STK3: variants seen among roughly 807,000 people sequenced by gnomAD.
STK3 encodes serine/threonine-protein kinase 3.
A neutral mutation model predicts 58.0 loss-of-function variants in STK3; 41 were observed. That is an observed-to-expected ratio of 0.71 (90% confidence interval 0.55 to 0.92). The LOEUF (loss-of-function observed/expected upper bound fraction) is 0.92. STK3 is among the 40% of genes least tolerant of loss of function. The probability of loss-of-function intolerance (pLI) is 0.00; values close to 1 mark genes in which losing one functional copy is unlikely to be tolerated. For missense variants in STK3, 479 were observed against 602.7 expected (o/e 0.79, Z 2.15); for synonymous variants, 170 against 191.0 (o/e 0.89, Z 0.91).
chr8:98,882,500 C>T (rs572339394), downstream of STK3: 1 of 151,254 alleles, frequency 6.6e-6, no homozygotes, highest in East Asian at 1.9e-4. Context: ...ACTGCAACCC[C>T]TGCCTCCCAG....
At chr8:98,720,529 T>C (rs922292248) in intron 4 of STK3, among the ~76,000 whole-genome samples, 2 of 151,968 alleles carry the variant, frequency 1.3e-5, no homozygotes, top group Admixed American at 6.6e-5. Flanking sequence ...GGCAGGTGGA[T>C]CACAAGGTCA....
rs1817751886 is a variant in STK3 at position 98,382,879 on chromosome 8, G to A, written n.57-3672C>T. Among the ~76,000 whole-genome samples, 5 of 152,318 alleles carry A rather than the reference G, an allele frequency of 3.3e-5. No individual in the cohort carries two copies. The South Asian group carries it at 1.0e-3, about 32-fold the overall frequency. ...GGGGACCAGCCTTCCCAGGGCTTGG[G>A]CTCCGTCCTGCATGGCAGCGTTTCA... On this transcript the variant is annotated intron_variant and non_coding_transcript_variant, in intron 1 of 2. Coordinates refer to the STK3 transcript ENST00000518704.
intron 6 of STK3, among the ~76,000 whole-genome samples, chr8:98,700,471 A>G (rs1014181634): frequency 6.6e-6 from 1 of 152,170 alleles, no homozygotes; most frequent in Non-Finnish European, 1.5e-5. Context: ...TCACGCTGGG[A>G]GCTGTAGACC....
In STK3 at chr8:98,893,105, C is replaced by T. The variant is rs181620312; in HGVS notation, c.-78-9271G>A. Among the ~76,000 whole-genome samples, 49 of 152,076 alleles carry T rather than the reference C, an allele frequency of 3.2e-4. No homozygotes were observed. The East Asian group carries it at 3.7e-3, about 11-fold the overall frequency. ...TCCTTTCTAGATAAAAAGAAAATAGCGGCTGGGCACGGTGGCTCATGCCTG... is the reference window on the plus strand; with the variant it reads ...TCCTTTCTAGATAAAAAGAAAATAGTGGCTGGGCACGGTGGCTCATGCCTG... On this transcript the variant is annotated intron_variant, in intron 1 of 1. Coordinates refer to the STK3 transcript ENST00000519420.
intron 10 of STK3, among the ~76,000 whole-genome samples, chr8:98,463,468 T>C (rs1820175171): frequency 6.6e-6 from 1 of 152,044 alleles, no homozygotes; most frequent in East Asian, 1.9e-4. Flanking sequence ...AACTCAGTGA[T>C]ATGAGAAGTT....
chr8:98,467,031 T>A (rs1820523011), intron 10 of STK3, among the ~76,000 whole-genome samples: 1 of 152,156 alleles, frequency 6.6e-6, no homozygotes, highest in South Asian at 2.1e-4. Flanking sequence ...TATCAGTGTC[T>A]ATGCTAATAT....
intron 3 of STK3, among the ~76,000 whole-genome samples, chr8:98,414,674 G>C (rs552911730): frequency 1.3e-5 from 2 of 152,346 alleles, no homozygotes; most frequent in East Asian, 3.9e-4. Context: ...TGGCCACACA[G>C]GTAGATAAAT....
chr8:98,884,302 T>C (rs932399408), intron 1 of STK3, among the ~76,000 whole-genome samples: 3 of 152,228 alleles, frequency 2.0e-5, no homozygotes, highest in Admixed American at 6.5e-5. Context: ...TTTTTATTTA[T>C]TGCTCTGGGC....
chr8:98,714,205 T>A (rs1410092100), intron 4 of STK3, among the ~76,000 whole-genome samples: 4 of 152,202 alleles, frequency 2.6e-5, no homozygotes, highest in Non-Finnish European at 5.9e-5. Context: ...AAGCATTCCC[T>A]TTGAAAACTG....
rs541172518 is a variant in STK3, at chr8:98,566,486, C to T, written c.948+13178G>A. On this transcript the variant is annotated intron_variant, in intron 8 of 10. Transcript: ENST00000419617. ...GAATGCAGGATCCACACACAATAGA[C>T]CCAAGTATCAATACTTGATGTGAAA... Among the ~76,000 whole-genome samples the T allele has an allele frequency of 2.0e-5, 3 of 152,138 alleles. No homozygotes were observed. The South Asian group carries it at 6.2e-4, about 32-fold the overall frequency.
intron 4 of STK3, among the ~76,000 whole-genome samples, chr8:98,743,115 T>C (rs1340368392): frequency 6.6e-6 from 1 of 152,052 alleles, no homozygotes; most frequent in African/African-American, 2.4e-5. Context: ...TCCATGCTCA[T>C]GGGTAGGAAG....
chr8:98,813,846 A>G (rs1446554440), intron 1 of STK3, among the ~76,000 whole-genome samples: 1 of 152,230 alleles, frequency 6.6e-6, no homozygotes, highest in Non-Finnish European at 1.5e-5. Flanking sequence ...AAATTTGAAA[A>G]TGCTCTAACA....
chr8:98,603,246 T>A (rs1169407039), intron 6 of STK3: 1 of 151,928 alleles, frequency 6.6e-6, no homozygotes, highest in East Asian at 1.9e-4. Flanking sequence ...TTTTTTTTTT[T>A]ATTTTTGAGA....
chr8:98,880,909 T>C (rs1185000909), downstream of STK3: 7 of 152,220 alleles, frequency 4.6e-5, no homozygotes, highest in Non-Finnish European at 8.8e-5. Flanking sequence ...AGTGTGAAAG[T>C]CGGTTTGGCA....
chr8:98,667,620 G>A (rs968256378), intron 6 of STK3, among the ~76,000 whole-genome samples: 21 of 151,888 alleles, frequency 1.4e-4, no homozygotes, highest in African/African-American at 5.1e-4. Flanking sequence ...TGTATAAAAG[G>A]CAAGTCAAAA....
chr8:98,821,589 G>C (rs1006666504), intron 1 of STK3, among the ~76,000 whole-genome samples: 1 of 151,092 alleles, frequency 6.6e-6, no homozygotes, highest in Admixed American at 6.6e-5. Context: ...TGAGCACAGG[G>C]AGGTCAAGGC....
chr8:98,690,711 T>C (rs1308772993), intron 6 of STK3, among the ~76,000 whole-genome samples: 2 of 152,140 alleles, frequency 1.3e-5, no homozygotes, highest in African/African-American at 4.8e-5. Context: ...AAAATTTATA[T>C]GGAACCAAAA....
intron 4 of STK3, among the ~76,000 whole-genome samples, chr8:98,714,744 G>C (rs1826855479): frequency 6.6e-6 from 1 of 152,140 alleles, no homozygotes; most frequent in African/African-American, 2.4e-5. Flanking sequence ...TCCCCATCAA[G>C]CTACCAATGA....
chr8:98,748,897 T>C (rs1262373023), intron 4 of STK3, among the ~76,000 whole-genome samples: 1 of 151,900 alleles, frequency 6.6e-6, no homozygotes, highest in Non-Finnish European at 1.5e-5. Flanking sequence ...TAAATTATAA[T>C]ACATAAAATT....
Sources: gnomAD v4.1 joint callset for allele counts (sites outside exome capture counted in the v4.1 genomes callset) on GRCh38, gnomAD v4.1.1 for gene constraint, MANE v1.5 for transcripts, NCBI Gene and HGNC (gene_info 2026-07-23, HGNC 2026-07-21) for gene names.